MED27: variants seen among roughly 807,000 people sequenced by gnomAD.
MED27 encodes the protein mediator complex subunit 27, also known as mediator of RNA polymerase II transcription subunit 27.
In MED27, 30 loss-of-function variants were observed where a neutral mutation model predicts 38.2. The observed-to-expected ratio is 0.79, with a 90% confidence interval of 0.59 to 1.07. MED27 has a LOEUF of 1.07. Among genes scored for constraint, MED27 ranks in the 50% least tolerant of loss-of-function variants. The probability of loss-of-function intolerance (pLI) is 0.00; values close to 1 mark genes in which losing one functional copy is unlikely to be tolerated. For synonymous variants in MED27, 122 were observed against 153.5 expected (o/e 0.79, Z 1.52); for missense variants, 289 against 397.5 (o/e 0.73, Z 2.32).
intron 2 of MED27, among the ~76,000 whole-genome samples, chr9:132,037,651 T>C (rs1215243600): frequency 1.3e-5 from 2 of 152,192 alleles, no homozygotes; most frequent in Non-Finnish European, 1.5e-5. Flanking sequence ...GGGCTTGGGC[T>C]GGCTTCGGTG....
Position 132,003,405 on chromosome 9 carries a change from A to G in MED27, c.479+10932T>C, listed in dbSNP as rs1199835419. Among the ~76,000 whole-genome samples, 1 of 152,216 alleles carries G rather than the reference A, an allele frequency of 6.6e-6. No homozygotes were observed. The highest frequency in any genetic ancestry group is 2.4e-5 in the African/African-American group (1 of 41,448). ...GACACTGGGTTTTAAATTTTAGTCT[A>G]TGTCACGATGGGTCTGAGACAAACC... On this transcript the variant is annotated intron_variant, in intron 3 of 7. Transcript: ENST00000292035. This position sits in a 1 kb window ranked among gnomAD's most constrained non-coding sequence, Gnocchi z 4.2.
At chr9:132,009,879 T>C (rs1354699538) in intron 3 of MED27, among the ~76,000 whole-genome samples, 3 of 152,230 alleles carry the variant, frequency 2.0e-5, no homozygotes, top group Non-Finnish European at 4.4e-5. Flanking sequence ...TAGTTTATAG[T>C]TATGTTGTGC....
At chr9:131,977,171 C>G (rs1811544650) in intron 3 of MED27, among the ~76,000 whole-genome samples, 1 of 152,182 alleles carries the variant, frequency 6.6e-6, no homozygotes, top group Non-Finnish European at 1.5e-5. Flanking sequence ...TTCAGGAACT[C>G]CGCGTGTGCC....
At chr9:131,929,983 C>T (rs1377053209) in intron 4 of MED27, among the ~76,000 whole-genome samples, 9 of 152,160 alleles carry the variant, frequency 5.9e-5, no homozygotes, top group Admixed American at 3.9e-4. Flanking sequence ...GGAGTGGTGG[C>T]CACAGTGGTG....
At chr9:132,068,417 T>C (rs1438769532) in intron 2 of MED27, among the ~76,000 whole-genome samples, 2 of 152,148 alleles carry the variant, frequency 1.3e-5, no homozygotes, top group African/African-American at 4.8e-5. Flanking sequence ...ATCAGATCTC[T>C]ACATTTTAAA....
chr9:131,929,982 G>T (rs116892951), intron 4 of MED27, among the ~76,000 whole-genome samples: 130 of 152,330 alleles, frequency 8.5e-4, no homozygotes, highest in African/African-American at 2.9e-3. Flanking sequence ...AGGAGTGGTG[G>T]CCACAGTGGT....
Position 132,024,810 on chromosome 9 carries a change from T to A in MED27, c.349-10343A>T, listed in dbSNP as rs531306928. 1.8e-4 allele frequency among the ~76,000 whole-genome samples: 27 copies of A among 152,224 alleles called. 1 individual carries two copies. The highest frequency in any genetic ancestry group is 6.0e-4 in the African/African-American group (25 of 41,516). Reference sequence around the variant, plus strand: ...TTGGACAGCTCCTTCTAATATACTGTAGAGATTGTTCTTTTTAATCTACAC... The same window carrying A: ...TTGGACAGCTCCTTCTAATATACTGAAGAGATTGTTCTTTTTAATCTACAC... On this transcript the variant is annotated intron_variant, in intron 2 of 7. Transcript: ENST00000292035.
At chr9:131,961,252 C>T (rs560693335) in intron 3 of MED27, among the ~76,000 whole-genome samples, 22 of 152,296 alleles carry the variant, frequency 1.4e-4, no homozygotes, top group African/African-American at 5.1e-4. Context: ...TGGCATATGT[C>T]GCAGCAGGCA....
At chr9:131,925,971 A>G (rs190337226) in intron 4 of MED27, among the ~76,000 whole-genome samples, 30 of 152,374 alleles carry the variant, frequency 2.0e-4, no homozygotes, top group African/African-American at 6.7e-4. Flanking sequence ...TGAATTTAAA[A>G]TGACAGGGAC....
chr9:132,050,136 T>C (rs1833431107), intron 2 of MED27, among the ~76,000 whole-genome samples: 1 of 152,062 alleles, frequency 6.6e-6, no homozygotes, highest in African/African-American at 2.4e-5. Flanking sequence ...CGGCCACAGC[T>C]GGGTGGGTGT....
At chr9:131,969,392 T>C (rs1831425149) in intron 3 of MED27, among the ~76,000 whole-genome samples, 1 of 152,210 alleles carries the variant, frequency 6.6e-6, no homozygotes, top group African/African-American at 2.4e-5. Flanking sequence ...TCAGTGTATA[T>C]TTCATTACTA....
chr9:132,044,209 G>C (rs1022498094), intron 2 of MED27, among the ~76,000 whole-genome samples: 3 of 152,114 alleles, frequency 2.0e-5, no homozygotes, highest in Non-Finnish European at 2.9e-5. Context: ...TCCACTGCCT[G>C]GTGGCTGAGG....
chr9:131,870,398 C>T (rs1678788430), intron 6 of MED27, among the ~76,000 whole-genome samples: 1 of 152,204 alleles, frequency 6.6e-6, no homozygotes, highest in South Asian at 2.1e-4. Context: ...ATGGCAAGCG[C>T]CCGCCAAATG....
intron 2 of MED27, among the ~76,000 whole-genome samples, chr9:132,044,104 G>A (rs1164547924): frequency 6.6e-6 from 1 of 152,156 alleles, no homozygotes; most frequent in African/African-American, 2.4e-5. Context: ...GAGAAAAAAA[G>A]TCACAGAGGG....
chr9:132,026,135 G>A (rs1419909547), intron 2 of MED27, among the ~76,000 whole-genome samples: 3 of 152,154 alleles, frequency 2.0e-5, no homozygotes, highest in Non-Finnish European at 2.9e-5. Context: ...AGAACAAGCC[G>A]AGCAACCAAA....
chr9:131,924,704 T>C (rs1444089975), intron 4 of MED27, among the ~76,000 whole-genome samples: 1 of 152,202 alleles, frequency 6.6e-6, no homozygotes, highest in Non-Finnish European at 1.5e-5. Context: ...AGTACTGCAC[T>C]GTTCTAATGA....
chr9:132,059,679 G>A (rs1833658162), intron 2 of MED27, among the ~76,000 whole-genome samples: 2 of 152,146 alleles, frequency 1.3e-5, no homozygotes. Context: ...ATCATGGCTG[G>A]AAATAAATCC....
chr9:131,881,110 T>C (rs931442975), intron 6 of MED27, among the ~76,000 whole-genome samples: 1 of 152,140 alleles, frequency 6.6e-6, no homozygotes, highest in East Asian at 1.9e-4. Flanking sequence ...AGGACCAGAT[T>C]GAGGGGAAAA....
chr9:131,894,326 G>A (rs971366302), intron 4 of MED27, among the ~76,000 whole-genome samples: 3 of 152,122 alleles, frequency 2.0e-5, no homozygotes, highest in South Asian at 2.1e-4. Context: ...TTTCAAAGGC[G>A]AGGATTCTAC....
Sources: gnomAD v4.1 joint callset for allele counts (sites outside exome capture counted in the v4.1 genomes callset) on GRCh38, gnomAD v4.1.1 for gene constraint, Gnocchi (gnomAD v3.1) non-coding constraint, MANE v1.5 for transcripts, NCBI Gene and HGNC (gene_info 2026-07-23, HGNC 2026-07-21) for gene names.